CDH16: variants seen among roughly 807,000 people sequenced by gnomAD.
The protein encoded by CDH16 is cadherin 16.
CDH16 carries 79 observed loss-of-function variants against 87.6 expected under a neutral mutation model. The observed-to-expected ratio is 0.90, with a 90% CI of 0.75 to 1.09. CDH16 has a LOEUF of 1.09. Ranked by LOEUF, CDH16 falls within the 50% of genes least tolerant of loss-of-function variation. The pLI is 0.00. For synonymous variants in CDH16, 457 were observed against 439.5 expected (o/e 1.04, Z -0.50); for missense variants, 1,124 against 1,071.7 (o/e 1.05, Z -0.68).
At chr16:66,912,463 C>A (rs1251068101) in intron 11 of CDH16, 33 bp from the exon 12 acceptor site, 5 of 1,614,032 alleles carry the variant, frequency 3.1e-6, no homozygotes, top group Non-Finnish European at 3.4e-6. Context: ...GAGCCCCCCA[C>A]CAGCATCCTT....
At chr16:66,913,306 A>C (rs1962519448) in intron 8 of CDH16, 25 bp from the exon 9 acceptor site, 4 of 1,541,568 alleles carry the variant, frequency 2.6e-6, no homozygotes, top group East Asian at 2.3e-5. Context: ...AGGGGGCTTC[A>C]GGTCAGGACC....
Position 66,915,340 on chromosome 16 carries a change from C to T in CDH16, c.463G>A (p.Glu155Lys), listed in dbSNP as rs1317400494. The T allele has an allele frequency of 2.5e-6, 4 of 1,613,956 alleles. No individual in the cohort carries two copies. Among genetic ancestry groups the T allele is most frequent in the East Asian group, 4.5e-5 (2 of 44,862 alleles). ...FLFLEASDRD[E>K]PGTANSDLRF... ...AGATCCGAGTTGGCTGTGCCTGGCT[C>T]ATCCCGGTCTGAAGCCTCAAGGAAG... is the stretch of plus-strand genomic sequence containing the variant. The change falls in exon 6 of 18, where the codon GAG (glutamate) becomes AAG (lysine). Residue 155 changes from glutamate to lysine, a missense_variant. By Grantham distance (56) the Glu-to-Lys change is moderately conservative (BLOSUM62 1). Coordinates refer to ENST00000299752, the MANE Select transcript of CDH16 (RefSeq NM_004062.4).
Position 66,909,975 on chromosome 16 carries a change from C to A in CDH16, c.2275+11G>T. On this transcript the variant is annotated intron_variant, in intron 16 of 17. Coordinates refer to ENST00000299752, the MANE Select transcript of CDH16 (RefSeq NM_004062.4). This position sits in a 1 kb window ranked among gnomAD's most constrained non-coding sequence, Gnocchi z 4.1. ...TCAGGAACTGCAGGCTGCACCCAAG[C>A]CCAATCTCACCTCGAACCAGGAGCT... 6.3e-7 allele frequency: 1 copy of A among 1,586,484 alleles called. No individual in the cohort carries two copies. Among genetic ancestry groups the A allele is most frequent in the Non-Finnish European group, 8.6e-7 (1 of 1,164,386 alleles).
Position 66,909,050 on chromosome 16 carries a change from G to T in CDH16, c.2392+217C>A, listed in dbSNP as rs1962287482. Reference sequence around the variant, plus strand: ...GGGAGGATTCCTGGCAATAGTCCCTGCCACACAGTCAATGTGCAATCATGT... The same window carrying T: ...GGGAGGATTCCTGGCAATAGTCCCTTCCACACAGTCAATGTGCAATCATGT... On this transcript the variant is annotated intron_variant, in intron 17 of 17. Coordinates refer to ENST00000299752, the MANE Select transcript of CDH16 (RefSeq NM_004062.4). The surrounding 1 kb of genome is among the most constrained non-coding windows in gnomAD (Gnocchi z 4.1). Among the ~76,000 whole-genome samples, 1 of 152,190 alleles carries T rather than the reference G, an allele frequency of 6.6e-6. No homozygotes were observed. Among genetic ancestry groups the T allele is most frequent in the Non-Finnish European group, 1.5e-5 (1 of 68,038 alleles).
Position 66,912,852 on chromosome 16 carries a change from G to A in CDH16, c.1094C>T (p.Ala365Val). 2 of 1,613,156 alleles carry A rather than the reference G, an allele frequency of 1.2e-6. No homozygotes were observed. Among genetic ancestry groups the A allele is most frequent in the Non-Finnish European group, 8.5e-7 (1 of 1,180,002 alleles). ...VTRLSAEDAD[A>V]PGSPNSHVVY... ...AACGTGGGAATTGGGGGAGCCGGGG[G>A]CATCTGCATCCTCTGCTGACAGTCT... is the stretch of plus-strand genomic sequence containing the variant. The change falls in exon 10 of 18, where the codon GCC becomes GTC. Residue 365 changes from alanine (A) to valine (V), a missense_variant. Ala to Val is a moderately conservative substitution (Grantham distance 64). Coordinates refer to ENST00000299752, the MANE Select transcript of CDH16 (RefSeq NM_004062.4).
Position 66,911,309 on chromosome 16 carries a change from G to A in CDH16, c.1797C>T (p.Ser599=). 1 of 1,613,308 alleles carries A rather than the reference G, an allele frequency of 6.2e-7. No homozygotes were observed. Among genetic ancestry groups the A allele is most frequent in the Non-Finnish European group, 8.5e-7 (1 of 1,179,666 alleles). The change falls in exon 14 of 18, where the codon TCC becomes TCT. Residue 599 remains serine, a synonymous_variant. Transcript: ENST00000299752. ...SDPISRTLRF[S]LVNDSEGWLC... is the part of the protein sequence containing the mutation. ...GCCAGCCCTCTGAGTCATTGACTAGGGAGAACCTGCCGCCCAAAGAAGGAG... is the reference window on the plus strand; with the variant it reads ...GCCAGCCCTCTGAGTCATTGACTAGAGAGAACCTGCCGCCCAAAGAAGGAG...
At chr16:66,910,868 C>T (rs1456980952) in intron 14 of CDH16, 2 of 377,608 alleles carry the variant, frequency 5.3e-6, no homozygotes, top group Non-Finnish European at 9.5e-6. Flanking sequence ...GGTCCTCCTG[C>T]CACCTCCCCG....
Position 66,912,281 on chromosome 16 carries a change from C to T in CDH16, c.1509G>A (p.Trp503Ter). The T allele has an allele frequency of 6.2e-7, 1 of 1,613,600 alleles. No individual in the cohort carries two copies. Among genetic ancestry groups the T allele is most frequent in the Non-Finnish European group, 8.5e-7 (1 of 1,179,670 alleles). ...GTCTAACATGCCCAGAGTCTGGCTC[C>T]CAATCCAGGCCAAAAGTCCCTTCTG... is the stretch of plus-strand genomic sequence containing the variant. ...GDTEGTFGLD[W>*]EPDSGHVRLR... Residue 503 changes from tryptophan (W) to a stop codon, truncating the protein, a stop_gained, in exon 12 of 18, where the codon TGG becomes TGA. Transcript: ENST00000299752. LOFTEE classifies it high-confidence loss of function.
At chr16:66,913,990 C>T (rs912811331) in intron 7 of CDH16, among the ~76,000 whole-genome samples, 1 of 152,200 alleles carries the variant, frequency 6.6e-6, no homozygotes, top group Non-Finnish European at 1.5e-5. Flanking sequence ...TTCAAGAGGT[C>T]AGAGCACAGA....
intron 2 of CDH16, 106 bp from the exon 3 acceptor site, chr16:66,917,831 C>A (rs1962754554): frequency 9.2e-7 from 1 of 1,085,168 alleles, no homozygotes; most frequent in African/African-American, 1.6e-5. Context: ...CTGGCTGTAC[C>A]TTAGTCCATC....
Position 66,914,252 on chromosome 16 carries a change from C to G in CDH16, c.744G>C (p.Glu248Asp). The G allele has an allele frequency of 3.7e-6, 6 of 1,614,198 alleles. No homozygotes were observed. The highest frequency in any genetic ancestry group is 5.1e-6 in the Non-Finnish European group (6 of 1,180,008). ...GGTGCGGGTATAGGACTTTGAGATT[C>G]TCTGCCAGGTGGATAGGCTCTAGGG... is the stretch of plus-strand genomic sequence containing the variant. Reference protein sequence around the residue: ...WVSLEPIHLAENLKVLYPHHM... With the variant: ...WVSLEPIHLADNLKVLYPHHM... Residue 248 changes from glutamate (E) to aspartate (D), a missense_variant, in exon 7 of 18, where the codon GAG becomes GAC. Coordinates refer to ENST00000299752, the MANE Select transcript of CDH16 (RefSeq NM_004062.4).
intron 5 of CDH16, 45 bp from the exon 6 acceptor site, chr16:66,915,423 G>A: frequency 6.3e-7 from 1 of 1,591,024 alleles, no homozygotes; most frequent in Non-Finnish European, 8.6e-7. Context: ...AGAGAGGGTG[G>A]GGAGAGTCTC....
In CDH16 at chr16:66,911,925, G is replaced by T. The variant is rs1178870074; in HGVS notation, c.1764C>A (p.Pro588=). The change falls in exon 13 of 18, where the codon CCC becomes CCA. Residue 588 remains proline, a synonymous_variant. Coordinates refer to ENST00000299752, the MANE Select transcript of CDH16 (RefSeq NM_004062.4). ...TGAGGGTTCGGCTGATGGGGTCGGA[G>T]GGCTGGATGGTCAGCAGGAAAGAGC... ...PAGSFLLTIQ[P]SDPISRTLRF... is the part of the protein sequence containing the mutation. 8.7e-6 allele frequency: 14 copies of T among 1,609,804 alleles called. No individual in the cohort carries two copies. In the East Asian group the frequency reaches 3.1e-4, roughly 36 times the overall value.
At chr16:66,910,866 T>C in intron 14 of CDH16, 1 of 372,490 alleles carries the variant, frequency 2.7e-6, no homozygotes, top group Non-Finnish European at 4.8e-6. Flanking sequence ...CTGGTCCTCC[T>C]GCCACCTCCC....
Position 66,916,014 on chromosome 16 carries a change from C to G in CDH16, c.424+51G>C. Reference sequence around the variant, plus strand: ...GGCCATCTCTTCGCTCTCTGCTGTTCCATCAAGGCCCACCTGACCTTACTG... The same window carrying G: ...GGCCATCTCTTCGCTCTCTGCTGTTGCATCAAGGCCCACCTGACCTTACTG... On this transcript the variant is annotated intron_variant, in intron 5 of 17. Coordinates refer to ENST00000299752, the MANE Select transcript of CDH16 (RefSeq NM_004062.4). This position sits in a 1 kb window ranked among gnomAD's most constrained non-coding sequence, Gnocchi z 4.1. 1 of 1,610,426 alleles carries G rather than the reference C, an allele frequency of 6.2e-7. No homozygotes were observed. Among genetic ancestry groups the G allele is most frequent in the Non-Finnish European group, 8.5e-7 (1 of 1,178,080 alleles).
In CDH16 at chr16:66,917,922, G is replaced by A. The variant is rs149790080; in HGVS notation, c.45+99C>T. 5,423 of 1,156,888 alleles carry A rather than the reference G, an allele frequency of 4.7e-3. 29 individuals carry two copies. The highest frequency in any genetic ancestry group is 8.6e-3 in the South Asian group (565 of 65,838). The allele number at this position is 1,156,888 out of a possible 1,614,324, so 71.7% of individuals were successfully genotyped here. On this transcript the variant is annotated intron_variant, in intron 2 of 17. Coordinates refer to ENST00000299752, the MANE Select transcript of CDH16 (RefSeq NM_004062.4). ...TCTGACCCCTCCCATGCCTTGCACCGTTCTCACGGTCAGTGCAATTGGTCC... is the reference window on the plus strand; with the variant it reads ...TCTGACCCCTCCCATGCCTTGCACCATTCTCACGGTCAGTGCAATTGGTCC...
chr16:66,912,120 A>T lies in CDH16; in HGVS notation c.1569T>A (p.Ala523=), dbSNP rs1277942264. ...CCACCACCACCACCTCATGACTTGG[A>T]GCTGCCTCATAACTGAGGTTCTGGA... is the stretch of plus-strand genomic sequence containing the variant. ...RLCKNLSYEA[A]PSHEVVVVVQ... Residue 523 remains alanine, a synonymous_variant, in exon 13 of 18, where the codon GCT becomes GCA. Transcript: ENST00000299752. The T allele has an allele frequency of 6.2e-7, 1 of 1,613,250 alleles. No individual in the cohort carries two copies.
intron 3 of CDH16, among the ~76,000 whole-genome samples, chr16:66,917,227 A>G (rs1962718186): frequency 6.6e-6 from 1 of 152,158 alleles, no homozygotes; most frequent in Non-Finnish European, 1.5e-5. Flanking sequence ...TGAACCCAGG[A>G]CGTGGAAGTT....
In CDH16 at chr16:66,909,331, G is replaced by A. The variant is rs1270788305; in HGVS notation, c.2328C>T (p.Arg776=). ...VEGQCMRKVG[R]MKGMPTKLSA... ...ACAGCTTCGTGGGCATGCCCTTCAT[G>A]CGGCCCACCTTGCGCATGCACTGCC... Residue 776 remains arginine, a synonymous_variant, in exon 17 of 18, where the codon CGC becomes CGT. Transcript: ENST00000299752. This position sits in a 1 kb window ranked among gnomAD's most constrained non-coding sequence, Gnocchi z 4.1. 1.2e-6 allele frequency: 2 copies of A among 1,613,640 alleles called. No individual in the cohort carries two copies. The highest frequency in any genetic ancestry group is 1.7e-6 in the Non-Finnish European group (2 of 1,179,960).
Sources: allele counts gnomAD v4.1 joint callset (sites outside exome capture counted in the v4.1 genomes callset), GRCh38; gene constraint gnomAD v4.1.1; non-coding constraint Gnocchi (gnomAD v3.1); transcripts MANE v1.5; gene names NCBI Gene and HGNC (gene_info 2026-07-23, HGNC 2026-07-21).